RBFOX1: variants seen among roughly 807,000 people sequenced by gnomAD.
RBFOX1 encodes the protein RNA binding fox-1 homolog 1.
A neutral mutation model predicts 57.7 loss-of-function variants in RBFOX1; 8 were observed. The ratio of observed to expected loss-of-function variants is 0.14; its 90% CI spans 0.08 to 0.25. The LOEUF is 0.25. Ranked by LOEUF, RBFOX1 falls within the 10% of genes least tolerant of loss-of-function variation. RBFOX1 has a pLI of 1.00. For missense variants in RBFOX1, 611 were observed against 548.5 expected, an observed-to-expected ratio of 1.11 and a Z score of -1.14; for synonymous variants, 326 against 222.4, an observed-to-expected ratio of 1.47 and a Z score of -4.15.
intron 1 of RBFOX1, among the ~76,000 whole-genome samples, chr16:6,219,600 C>G (rs750165858): frequency 6.6e-6 from 1 of 151,580 alleles, no homozygotes; most frequent in Middle Eastern, 3.5e-3. Context: ...ATAGGCTGAG[C>G]GTGGTGGCTC....
At chr16:7,430,090 A>G (rs571515507) in intron 4 of RBFOX1, among the ~76,000 whole-genome samples, 1 of 152,330 alleles carries the variant, frequency 6.6e-6, no homozygotes, top group South Asian at 2.1e-4. Context: ...GAATGAATTG[A>G]TTTTTAAAAA....
At chr16:5,925,510 G>A (rs1429948591) in intron 4 of RBFOX1, among the ~76,000 whole-genome samples, 4 of 152,160 alleles carry the variant, frequency 2.6e-5, no homozygotes, top group Non-Finnish European at 4.4e-5. Flanking sequence ...GACGTGATTC[G>A]TGGAACATGA....
chr16:6,186,337 G>T (rs1198483420), intron 1 of RBFOX1, among the ~76,000 whole-genome samples: 1 of 152,170 alleles, frequency 6.6e-6, no homozygotes, highest in Non-Finnish European at 1.5e-5. Context: ...TGAGTTTGAA[G>T]AAGGAGAGGT....
At chr16:7,535,212 G>A (rs1214005379) in intron 5 of RBFOX1, among the ~76,000 whole-genome samples, 1 of 152,026 alleles carries the variant, frequency 6.6e-6, no homozygotes, top group African/African-American at 2.4e-5. Flanking sequence ...GGATTACTTT[G>A]CAAACAGCCC....
intron 3 of RBFOX1, chr16:7,004,113 T>C (rs897825658): frequency 1.3e-5 from 2 of 151,934 alleles, no homozygotes; most frequent in African/African-American, 4.8e-5. Context: ...ATGTGGACAC[T>C]AGAAATCAGT....
chr16:7,165,142 G>T (rs1484626549), intron 4 of RBFOX1, among the ~76,000 whole-genome samples: 1 of 152,084 alleles, frequency 6.6e-6, no homozygotes, highest in African/African-American at 2.4e-5. Flanking sequence ...TATCTGCTGG[G>T]TCCCTACTTG....
At chr16:6,841,525 C>G (rs564798658) in intron 3 of RBFOX1, among the ~76,000 whole-genome samples, 4 of 152,128 alleles carry the variant, frequency 2.6e-5, no homozygotes, top group Non-Finnish European at 5.9e-5. Context: ...TCTGAACAAC[C>G]TAACCTCACG....
chr16:6,526,461 A>G (rs1199595511), intron 2 of RBFOX1, among the ~76,000 whole-genome samples: 1 of 152,176 alleles, frequency 6.6e-6, no homozygotes, highest in Admixed American at 6.5e-5. Flanking sequence ...GCGGTCATTC[A>G]TGCTACAGCA....
chr16:7,504,765 A>ATT (rs1360646045), intron 4 of RBFOX1, among the ~76,000 whole-genome samples: 171 of 11,470 alleles, frequency 0.015, 8 homozygotes, highest in Middle Eastern at 0.071. Flanking sequence ...TTATATATAT[A>ATT]TATATTTATA....
intron 2 of RBFOX1, among the ~76,000 whole-genome samples, chr16:5,569,828 A>T (rs1039511138): frequency 1.3e-5 from 2 of 151,988 alleles, no homozygotes; most frequent in African/African-American, 4.8e-5. Context: ...TCCTTTCTTG[A>T]CATGGTCTTC....
intron 2 of RBFOX1, among the ~76,000 whole-genome samples, chr16:5,558,036 C>G (rs952390886): frequency 6.6e-6 from 1 of 152,134 alleles, no homozygotes; most frequent in African/African-American, 2.4e-5. Context: ...CGGGGGAGGA[C>G]TGCCTTCCCA....
At chr16:7,570,173 T>C (rs1382728884) in intron 5 of RBFOX1, among the ~76,000 whole-genome samples, 1 of 147,156 alleles carries the variant, frequency 6.8e-6, no homozygotes, top group Non-Finnish European at 1.5e-5. Flanking sequence ...CTTTTTTTTT[T>C]TTTTTAAAAA....
intron 4 of RBFOX1, among the ~76,000 whole-genome samples, chr16:7,171,719 C>T (rs1352980076): frequency 1.3e-5 from 2 of 152,208 alleles, no homozygotes; most frequent in South Asian, 2.1e-4. Flanking sequence ...GTTTTCTGAA[C>T]AGCTAAGCCT....
At chr16:6,230,580 T>C (rs368004104) in intron 1 of RBFOX1, among the ~76,000 whole-genome samples, 21 of 152,306 alleles carry the variant, frequency 1.4e-4, no homozygotes, top group South Asian at 1.2e-3. Flanking sequence ...GTCAACAGTT[T>C]GGACTAGGAT....
chr16:7,341,776 C>CTCCCTCCT (rs2096900288), intron 4 of RBFOX1, among the ~76,000 whole-genome samples: 52 of 95,194 alleles, frequency 5.5e-4, no homozygotes, highest in East Asian at 3.5e-3. Flanking sequence ...CCCTCCCTCC[C>CTCCCTCCT]TCCTTCCTTC....
chr16:6,284,975 C>T (rs144188407), intron 1 of RBFOX1, among the ~76,000 whole-genome samples: 2 of 152,162 alleles, frequency 1.3e-5, no homozygotes, highest in African/African-American at 2.4e-5. Context: ...CCCAGGGTAT[C>T]GGGGAAATTC....
At chr16:6,527,485 G>T (rs924864818) in intron 2 of RBFOX1, among the ~76,000 whole-genome samples, 5 of 152,110 alleles carry the variant, frequency 3.3e-5, no homozygotes, top group African/African-American at 1.2e-4. Context: ...AAATATTCAA[G>T]TTGAATGTAT....
At chr16:6,502,401 C>T (rs2095963163) in intron 2 of RBFOX1, among the ~76,000 whole-genome samples, 1 of 152,142 alleles carries the variant, frequency 6.6e-6, no homozygotes, top group South Asian at 2.1e-4. Context: ...GAGCTTAGGT[C>T]TTGAGTCCAT....
At chr16:6,926,759 A>C (rs1292023617) in intron 3 of RBFOX1, among the ~76,000 whole-genome samples, 6 of 152,136 alleles carry the variant, frequency 3.9e-5, no homozygotes, top group Non-Finnish European at 8.8e-5. Context: ...TGGAGACTGA[A>C]CTTTTAAATG....
Sources: gnomAD v4.1 joint callset for allele counts (sites outside exome capture counted in the v4.1 genomes callset) on GRCh38, gnomAD v4.1.1 for gene constraint, MANE v1.5 for transcripts, NCBI Gene and HGNC (gene_info 2026-07-23, HGNC 2026-07-21) for gene names.